CEP126: variants seen among roughly 807,000 people sequenced by gnomAD.
The protein encoded by CEP126 is centrosomal protein of 126 kDa.
In CEP126, 74 loss-of-function variants were observed where a neutral mutation model predicts 107.8. The ratio of observed to expected loss-of-function variants is 0.69; its 90% CI spans 0.57 to 0.83. CEP126 has a LOEUF of 0.83. Ranked by LOEUF, CEP126 falls within the 40% of genes least tolerant of loss-of-function variation. CEP126 has a pLI of 0.00. For missense variants in CEP126, 1,237 were observed against 1,281.9 expected (o/e 0.96, Z 0.53); for synonymous variants, 449 against 446.0 (o/e 1.01, Z -0.08).
At chr11:101,987,688 T>G (rs1364994948) in intron 9 of CEP126, among the ~76,000 whole-genome samples, 4 of 151,626 alleles carry the variant, frequency 2.6e-5, no homozygotes, top group Non-Finnish European at 4.4e-5. Flanking sequence ...AAGGCTTGCA[T>G]TTTTTAAACT....
chr11:101,929,081 TATTG>T (rs1475072083), intron 2 of CEP126, among the ~76,000 whole-genome samples: 1 of 152,234 alleles, frequency 6.6e-6, no homozygotes, highest in Non-Finnish European at 1.5e-5. Context: ...TTCTTCTTTA[TATTG>T]ATTCTTTATG....
intron 2 of CEP126, among the ~76,000 whole-genome samples, chr11:101,938,018 T>G (rs539468385): frequency 1.0e-3 from 158 of 151,290 alleles, no homozygotes; most frequent in African/African-American, 3.5e-3. Context: ...CCGGGCGTGG[T>G]GGCGGACGCC....
chr11:101,929,974 C>CTTTTTTTTTTTTTTTT (rs60650996), intron 2 of CEP126, among the ~76,000 whole-genome samples: 19 of 118,682 alleles, frequency 1.6e-4, no homozygotes, highest in South Asian at 2.9e-4. Context: ...TTAGTTAGGA[C>CTTTTTTTTTTTTTTTT]TTTTTTTTTT....
rs558692011 is a variant in CEP126 at position 101,920,426 on chromosome 11, A to C, written c.129-2215A>C. On this transcript the variant is annotated intron_variant, in intron 1 of 10. Coordinates refer to ENST00000263468, the MANE Select transcript of CEP126 (RefSeq NM_020802.4). ...TATGAGATTTTTACAATCTTGATTA[A>C]ATGCAGCCTTTAAAGAGAATTTTGG... Among the ~76,000 whole-genome samples the C allele has an allele frequency of 1.3e-4, 20 of 152,286 alleles. No homozygotes were observed. In the South Asian group the frequency reaches 3.9e-3, roughly 30 times the overall value.
intron 5 of CEP126, 134 bp downstream of exon 5, chr11:101,958,500 C>T: frequency 1.5e-6 from 1 of 677,204 alleles, no homozygotes; most frequent in Non-Finnish European, 2.5e-6. Flanking sequence ...GATGAATCAG[C>T]ACAAATTCAT....
chr11:101,961,862 T>C lies in CEP126; in HGVS notation c.827T>C (p.Ile276Thr), dbSNP rs1940976019. The change falls in exon 6 of 11, where the codon ATC becomes ACC. Residue 276 changes from isoleucine (I) to threonine (T), a missense_variant. By Grantham distance (89) the Ile-to-Thr change is moderately conservative. Coordinates refer to ENST00000263468, the MANE Select transcript of CEP126 (RefSeq NM_020802.4). Reference protein sequence around the residue: ...LTLNKEHSTSIQRNTISLKPA... With the variant: ...LTLNKEHSTSTQRNTISLKPA... ...CTTAATAAGGAGCATTCCACATCCATCCAGCGGAATACCATTTCCCTCAAA... is the reference window on the plus strand; with the variant it reads ...CTTAATAAGGAGCATTCCACATCCACCCAGCGGAATACCATTTCCCTCAAA... 6.2e-7 allele frequency: 1 copy of C among 1,610,680 alleles called. No individual in the cohort carries two copies. The highest frequency in any genetic ancestry group is 8.5e-7 in the Non-Finnish European group (1 of 1,177,094).
At chr11:101,997,296 A>G (rs1941453869) in intron 10 of CEP126, among the ~76,000 whole-genome samples, 2 of 152,216 alleles carry the variant, frequency 1.3e-5, no homozygotes, top group South Asian at 4.1e-4. Context: ...TCGGCCTCCC[A>G]AAGTGCTGGG....
intron 6 of CEP126, among the ~76,000 whole-genome samples, chr11:101,976,873 T>G (rs1426245259): frequency 6.6e-6 from 1 of 152,222 alleles, no homozygotes; most frequent in Non-Finnish European, 1.5e-5. Context: ...ATTCCACTTA[T>G]AGCTATACAT....
chr11:101,954,636 T>TTATA (rs766312807), intron 4 of CEP126, among the ~76,000 whole-genome samples: 60 of 151,202 alleles, frequency 4.0e-4, no homozygotes, highest in African/African-American at 1.1e-3. Flanking sequence ...GTGTGTATGT[T>TTATA]TATATATACA....
chr11:101,973,828 TTA>T (rs1941161507), intron 6 of CEP126, among the ~76,000 whole-genome samples: 1 of 152,240 alleles, frequency 6.6e-6, no homozygotes, highest in South Asian at 2.1e-4. Context: ...GTTGAACATT[TTA>T]TATGTTTATG....
In CEP126 at chr11:101,963,740, A is replaced by G; in HGVS notation, c.2705A>G (p.Asp902Gly). The change falls in exon 6 of 11, where the codon GAT (aspartate) becomes GGT (glycine). Residue 902 changes from aspartate (D) to glycine (G), a missense_variant. Asp to Gly is a moderately conservative substitution (Grantham distance 94, BLOSUM62 -1). Coordinates refer to ENST00000263468, the MANE Select transcript of CEP126 (RefSeq NM_020802.4). The stretch of plus-strand genomic sequence containing the variant: ...GGCACTCAAGCAGTTGCCCGGCAAG[A>G]TGCGACATTATATTGCACCCAAAGA... ...SNGTQAVARQ[D>G]ATLYCTQRSP... The G allele has an allele frequency of 6.2e-7, 1 of 1,614,126 alleles. No homozygotes were observed. The highest frequency in any genetic ancestry group is 8.5e-7 in the Non-Finnish European group (1 of 1,180,030).
At chr11:101,934,347 C>G (rs987541545) in intron 2 of CEP126, among the ~76,000 whole-genome samples, 1 of 151,964 alleles carries the variant, frequency 6.6e-6, no homozygotes, top group African/African-American at 2.4e-5. Context: ...GGCACATCAC[C>G]TCAACTATTT....
chr11:101,953,417 A>G (rs1940839631), intron 4 of CEP126, among the ~76,000 whole-genome samples: 1 of 152,176 alleles, frequency 6.6e-6, no homozygotes, highest in Non-Finnish European at 1.5e-5. Context: ...CCCTTTACTC[A>G]CACACTAATA....
chr11:101,925,042 T>C (rs772511267), intron 2 of CEP126, among the ~76,000 whole-genome samples: 16 of 152,222 alleles, frequency 1.1e-4, no homozygotes, highest in Non-Finnish European at 1.8e-4. Context: ...GTCCCCTTTG[T>C]TTCCCTCCAA....
intron 1 of CEP126, chr11:101,916,650 A>G (rs975058003): frequency 2.6e-5 from 4 of 152,168 alleles, no homozygotes; most frequent in Admixed American, 2.6e-4. Context: ...TCTTGACATT[A>G]TATTTTCTTG....
intron 6 of CEP126, among the ~76,000 whole-genome samples, chr11:101,966,893 AC>A (rs1303531878): frequency 6.6e-6 from 1 of 151,254 alleles, no homozygotes; most frequent in Non-Finnish European, 1.5e-5. Context: ...AAGCAAACTC[AC>A]TCACTCCTCT....
intron 8 of CEP126, among the ~76,000 whole-genome samples, chr11:101,983,402 A>G (rs1941278760): frequency 6.6e-6 from 1 of 152,210 alleles, no homozygotes; most frequent in Admixed American, 6.5e-5. Flanking sequence ...AACACTGCAT[A>G]GGATTTCAAC....
Position 101,963,603 on chromosome 11 carries a change from A to G in CEP126, c.2568A>G (p.Glu856=), listed in dbSNP as rs1941016578. The change falls in exon 6 of 11, where the codon GAA becomes GAG. Residue 856 remains glutamate, a synonymous_variant. Transcript: ENST00000263468. ...ACAGTTTGAATCAGTGGAATCAGGA[A>G]AGTAGTTCTCCACTCTCAAATGCTT... ...TEHSLNQWNQ[E]SSSPLSNACS... 1 of 1,614,174 alleles carries G rather than the reference A, an allele frequency of 6.2e-7. No homozygotes were observed. The highest frequency in any genetic ancestry group is 8.5e-7 in the Non-Finnish European group (1 of 1,180,020).
At chr11:101,967,369 G>C (rs895903411) in intron 6 of CEP126, among the ~76,000 whole-genome samples, 3 of 151,976 alleles carry the variant, frequency 2.0e-5, no homozygotes, top group African/African-American at 7.3e-5. Flanking sequence ...TTTGCCTCTT[G>C]GTCTTTTTTG....
Sources: allele counts gnomAD v4.1 joint callset (sites outside exome capture counted in the v4.1 genomes callset), GRCh38; gene constraint gnomAD v4.1.1; transcripts MANE v1.5; gene names NCBI Gene and HGNC (gene_info 2026-07-23, HGNC 2026-07-21).